Variants in PEX26 observed in about 807,000 individuals in gnomAD.
The protein encoded by PEX26 is peroxisomal biogenesis factor 26.
Under a neutral mutation model 31.4 loss-of-function variants are expected in PEX26, and 18 were observed. The ratio of observed to expected loss-of-function variants is 0.57; its 90% CI spans 0.40 to 0.85. PEX26 has a LOEUF of 0.85. PEX26 is among the 40% of genes least tolerant of loss of function. The pLI, the probability that PEX26 is intolerant of heterozygous loss-of-function variation, is 0.00. For missense variants in PEX26, 377 were observed against 383.9 expected (o/e 0.98, Z 0.15); for synonymous variants, 176 against 166.9 (o/e 1.05, Z -0.42).
chr22:18,086,336 A>G (rs1569188993), intron 4 of PEX26, among the ~76,000 whole-genome samples: 1 of 152,212 alleles, frequency 6.6e-6, no homozygotes, highest in Non-Finnish European at 1.5e-5. Context: ...AGAGAAAAGT[A>G]TAAAGAAGGG....
Position 18,085,167 on chromosome 22 carries a change from C to G in PEX26, c.723C>G (p.Asp241Glu), listed in dbSNP as rs1419643713. ...SLPMLVRQLW[D>E]SAVSHFFSLP... ...CGATGTTGGTTCGCCAGCTTTGGGA[C>G]TCTGCGGTGAGCCACTTCTTTTCTC... is the stretch of plus-strand genomic sequence containing the variant. Residue 241 changes from aspartate (D) to glutamate (E), a missense_variant, in exon 4 of 5, where the codon GAC (aspartate) becomes GAG (glutamate). Physicochemically the swap from Asp to Glu is conservative, Grantham distance 45. Transcript: ENST00000399744. The G allele has an allele frequency of 6.2e-7, 1 of 1,614,150 alleles. No individual in the cohort carries two copies.
Position 18,103,217 on chromosome 22 carries a change from CATAG to C in PEX26, c.*15148_*15151del, listed in dbSNP as rs535713409. ...GAAGAGGTGGCTTGATGGACACAAA[CATAG>C]ATAGAAGGAGTGAGTTCTAATGCTT... On this transcript the variant is annotated 3_prime_UTR_variant, in exon 5 of 5. Coordinates refer to ENST00000399744, the MANE Select transcript of PEX26 (RefSeq NM_001127649.3). The C allele has an allele frequency of 3.4e-3, 516 of 150,700 alleles. 2 individuals are homozygous for C. Among genetic ancestry groups the C allele is most frequent in the Middle Eastern group, 0.01 (3 of 292 alleles). The allele number at this position is 150,700 out of a possible 1,614,324, so 9.3% of individuals were successfully genotyped here. A position where few individuals can be genotyped will look rare whatever the true frequency, so the allele number is the denominator to read the frequency against.
chr22:18,084,606 A>G (rs1485139995), intron 3 of PEX26, among the ~76,000 whole-genome samples: 3 of 152,172 alleles, frequency 2.0e-5, no homozygotes, highest in Non-Finnish European at 4.4e-5. Context: ...TAAATAATAT[A>G]TAGTCAAAAT....
rs1467371649 is a variant in PEX26, at chr22:18,102,531, T to G, written c.*14456T>G. 1 of 153,518 alleles carries G rather than the reference T, an allele frequency of 6.5e-6. No individual in the cohort carries two copies. Among genetic ancestry groups the G allele is most frequent in the African/African-American group, 2.4e-5 (1 of 41,434 alleles). 9.5% of individuals were successfully genotyped at this position (153,518 alleles called of 1,614,324 possible). On this transcript the variant is annotated 3_prime_UTR_variant, in exon 5 of 5. Transcript: ENST00000399744. ...AACAAAGTCACCGCTAAACTATCGCTTAGGTCTAGTCCCCGGCCTATGGCA... is the reference window on the plus strand; with the variant it reads ...AACAAAGTCACCGCTAAACTATCGCGTAGGTCTAGTCCCCGGCCTATGGCA...
rs1347646204 is a variant in PEX26 at position 18,088,950 on chromosome 22, C to G, written c.*875C>G. ...GCTGGGGTGTGGTTTTCAGAACCAC[C>G]GGGTTGACTACTGAAAACCAAGTGA... On this transcript the variant is annotated 3_prime_UTR_variant, in exon 5 of 5. Transcript: ENST00000399744. The surrounding 1 kb of genome is among the most constrained non-coding windows in gnomAD (Gnocchi z 4.1). The G allele has an allele frequency of 6.6e-6, 1 of 152,426 alleles. No individual in the cohort carries two copies. The highest frequency in any genetic ancestry group is 2.1e-4 in the South Asian group (1 of 4,830). 9.4% of individuals were successfully genotyped at this position (152,426 alleles called of 1,614,324 possible). A position where few individuals can be genotyped will look rare whatever the true frequency, so the allele number is the denominator to read the frequency against.
In PEX26 at chr22:18,100,206, G is replaced by A. The variant is rs529417002; in HGVS notation, c.*12131G>A. Reference sequence around the variant, plus strand: ...TTCTCCTGCCTCAGCCTCCTGAGTAGCTGGTATGACAGGCATGCACCACCA... The same window carrying A: ...TTCTCCTGCCTCAGCCTCCTGAGTAACTGGTATGACAGGCATGCACCACCA... On this transcript the variant is annotated 3_prime_UTR_variant, in exon 5 of 5. Transcript: ENST00000399744. The A allele has an allele frequency of 3.9e-5, 6 of 152,236 alleles. No individual in the cohort carries two copies. In the East Asian group the frequency reaches 1.2e-3, roughly 29 times the overall value. 9.4% of individuals were successfully genotyped at this position (152,236 alleles called of 1,614,324 possible). A position where few individuals can be genotyped will look rare whatever the true frequency, so the allele number is the denominator to read the frequency against.
In PEX26 at chr22:18,085,154, G is replaced by A. The variant is rs370821533; in HGVS notation, c.710G>A (p.Arg237His). ...HKFLSLPMLV[R>H]QLWDSAVSHF... is the part of the protein sequence containing the mutation. ...TTCCTGTCACTACCGATGTTGGTTC[G>A]CCAGCTTTGGGACTCTGCGGTGAGC... Residue 237 changes from arginine to histidine, a missense_variant, in exon 4 of 5, where the codon CGC becomes CAC. Physicochemically the swap from Arg to His is conservative, Grantham distance 29 (BLOSUM62 0). Coordinates refer to ENST00000399744, the MANE Select transcript of PEX26 (RefSeq NM_001127649.3). 243 of 1,613,968 alleles carry A rather than the reference G, an allele frequency of 1.5e-4. No individual in the cohort carries two copies. The highest frequency in any genetic ancestry group is 2.0e-4 in the Non-Finnish European group (231 of 1,180,010).
Position 18,089,934 on chromosome 22 carries a change from A to G in PEX26, c.*1859A>G, listed in dbSNP as rs146739242. The G allele has an allele frequency of 6.6e-6, 1 of 151,960 alleles. No homozygotes were observed. Among genetic ancestry groups the G allele is most frequent in the East Asian group, 1.9e-4 (1 of 5,156 alleles). 9.4% of individuals were successfully genotyped at this position (151,960 alleles called of 1,614,324 possible). A position where few individuals can be genotyped will look rare whatever the true frequency, so the allele number is the denominator to read the frequency against. On this transcript the variant is annotated 3_prime_UTR_variant, in exon 5 of 5. Coordinates refer to ENST00000399744, the MANE Select transcript of PEX26 (RefSeq NM_001127649.3). ...AGCCGGGATGGTCTCGATCTCCTGA[A>G]CTTGTGATCCACCCACCTAGGCCTC...
chr22:18,080,168 C>T (rs764029538), intron 2 of PEX26, among the ~76,000 whole-genome samples, 154 bp downstream of exon 2: 5 of 151,746 alleles, frequency 3.3e-5, no homozygotes, highest in Non-Finnish European at 5.9e-5. Context: ...CCATACATAG[C>T]AATAAAGAAT....
chr22:18,105,335 T>A lies in PEX26; in HGVS notation c.*17260T>A, dbSNP rs1286049960. ...CCAGTTATGTGATCAGGAATGAGAG[T>A]TAATGTTTCTATGTTTCTGATTCTT... On this transcript the variant is annotated 3_prime_UTR_variant, in exon 5 of 5. Transcript: ENST00000399744. 6.6e-6 allele frequency: 1 copy of A among 152,184 alleles called. No homozygotes were observed. Among genetic ancestry groups the A allele is most frequent in the East Asian group, 1.9e-4 (1 of 5,202 alleles). The allele number at this position is 152,184 out of a possible 1,614,324, so 9.4% of individuals were successfully genotyped here. A position where few individuals can be genotyped will look rare whatever the true frequency, so the allele number is the denominator to read the frequency against.
chr22:18,087,139 A>G (rs966492852), intron 4 of PEX26, among the ~76,000 whole-genome samples: 2 of 152,016 alleles, frequency 1.3e-5, no homozygotes, highest in African/African-American at 4.8e-5. Flanking sequence ...CAGTGGCGTG[A>G]TCTCGGCTTA....
intron 4 of PEX26, among the ~76,000 whole-genome samples, chr22:18,086,792 A>G (rs1370932013): frequency 6.6e-6 from 1 of 152,144 alleles, no homozygotes; most frequent in East Asian, 1.9e-4. Context: ...TGGTTTGTCT[A>G]TTTTGAGAAG....
At position 18,078,026 on chromosome 22, in the gene PEX26, G is replaced by C. The variant is rs1029782852; in HGVS notation, c.-351G>C. 3.6e-5 allele frequency: 17 copies of C among 477,664 alleles called. No homozygotes were observed. The highest frequency in any genetic ancestry group is 7.0e-5 in the Non-Finnish European group (17 of 244,238). The allele number at this position is 477,664 out of a possible 1,614,324, so 29.6% of individuals were successfully genotyped here. The stretch of plus-strand genomic sequence containing the variant: ...GGGCTGGGCGAGCGCAAAGATGTCC[G>C]CGCCCGCTGCCGGGAGGCGAGGTGA... On this transcript the variant is annotated 5_prime_UTR_variant, in exon 1 of 5. Coordinates refer to ENST00000399744, the MANE Select transcript of PEX26 (RefSeq NM_001127649.3).
rs1569191699 is a variant in PEX26, at chr22:18,092,822, T to TGGG, written c.*4747_*4748insGGG. ...CCTAGTGGGACCCCATTTCTTTTTT[T>TGGG]TGGGGGGGGGGTGGGTTATAAAAGC... On this transcript the variant is annotated 3_prime_UTR_variant, in exon 5 of 5. Transcript: ENST00000399744. 1 of 74,510 alleles carries TGGG rather than the reference T, an allele frequency of 1.3e-5. No homozygotes were observed. The highest frequency in any genetic ancestry group is 5.0e-5 in the African/African-American group (1 of 20,126). 4.6% of individuals were successfully genotyped at this position (74,510 alleles called of 1,614,324 possible).
chr22:18,086,460 T>A (rs1926846821), intron 4 of PEX26, among the ~76,000 whole-genome samples: 1 of 152,242 alleles, frequency 6.6e-6, no homozygotes. Context: ...CGCTAACTAT[T>A]CCAGTTCACA....
intron 4 of PEX26, 115 bp downstream of exon 4, chr22:18,085,373 C>T: frequency 1.8e-6 from 2 of 1,082,770 alleles, no homozygotes; most frequent in Non-Finnish European, 2.8e-6. Flanking sequence ...TCTCCTATGA[C>T]ATTTCCCCTG....
chr22:18,084,265 G>C (rs1486649729), intron 3 of PEX26, among the ~76,000 whole-genome samples: 1 of 122,078 alleles, frequency 8.2e-6, no homozygotes, highest in Non-Finnish European at 1.6e-5. Context: ...TTTTGTTTGA[G>C]ACGGAGTCTC....
chr22:18,090,413 T>C lies in PEX26; in HGVS notation c.*2338T>C, dbSNP rs1927045391. ...TACAGCTCGCTCCCCTTGGCCTCTG[T>C]GCCTTGGCTCGCACTGTTCCTACTG... On this transcript the variant is annotated 3_prime_UTR_variant, in exon 5 of 5. Coordinates refer to ENST00000399744, the MANE Select transcript of PEX26 (RefSeq NM_001127649.3). 1 of 152,306 alleles carries C rather than the reference T, an allele frequency of 6.6e-6. No individual in the cohort carries two copies. The highest frequency in any genetic ancestry group is 2.4e-5 in the African/African-American group (1 of 41,472). 9.4% of individuals were successfully genotyped at this position (152,306 alleles called of 1,614,324 possible).
chr22:18,078,660 T>C (rs1327463081), intron 1 of PEX26, 54 bp downstream of exon 1: 1 of 1,478,850 alleles, frequency 6.8e-7, no homozygotes, highest in South Asian at 1.2e-5. Flanking sequence ...GTGGTGGGGC[T>C]CAAGGTCTCA....
Sources: gnomAD v4.1 joint callset for allele counts (sites outside exome capture counted in the v4.1 genomes callset) on GRCh38, gnomAD v4.1.1 for gene constraint, Gnocchi (gnomAD v3.1) non-coding constraint, MANE v1.5 for transcripts, NCBI Gene and HGNC (gene_info 2026-07-23, HGNC 2026-07-21) for gene names.